The following BRCA1 variants were observed in gnomAD, a reference collection of about 807,000 sequenced individuals.
The protein encoded by BRCA1 is breast cancer type 1 susceptibility protein.
In BRCA1, 140 loss-of-function variants were observed where a neutral mutation model predicts 173.7. The ratio of observed to expected loss-of-function variants is 0.81; its 90% CI spans 0.70 to 0.93. The LOEUF (loss-of-function observed/expected upper bound fraction) is 0.93. Ranked by LOEUF, BRCA1 falls within the 40% of genes least tolerant of loss-of-function variation. The pLI, the probability that BRCA1 is intolerant of heterozygous loss-of-function variation, is 0.00. For missense variants in BRCA1, 1,983 were observed against 2,172.5 expected, an observed-to-expected ratio of 0.91 and a Z score of 1.73; for synonymous variants, 662 against 756.0, an observed-to-expected ratio of 0.88 and a Z score of 2.04.
At chr17:43,117,257 T>C (rs2055337405) in intron 2 of BRCA1, among the ~76,000 whole-genome samples, 1 of 151,638 alleles carries the variant, frequency 6.6e-6, no homozygotes, top group Non-Finnish European at 1.5e-5. Flanking sequence ...TCCTGGACAA[T>C]ATGGTGAAAC....
intron 11 of BRCA1, among the ~76,000 whole-genome samples, chr17:43,085,713 T>C (rs1567785186): frequency 6.6e-6 from 1 of 152,030 alleles, no homozygotes; most frequent in Non-Finnish European, 1.5e-5. Flanking sequence ...ATATGAGAAG[T>C]AAGGGCAAGT....
chr17:43,074,642 C>A, intron 13 of BRCA1, 121 bp from the exon 14 acceptor site: 1 of 898,644 alleles, frequency 1.1e-6, no homozygotes, highest in Admixed American at 2.1e-5. Flanking sequence ...AAATGACTGG[C>A]AAAAAAGAGC....
At chr17:43,154,485 AAAT>A (rs1282995050) in intron 1 of BRCA1, among the ~76,000 whole-genome samples, 4 of 152,050 alleles carry the variant, frequency 2.6e-5, no homozygotes, top group Admixed American at 6.6e-5. Flanking sequence ...CTCCATCTCA[AAAT>A]AATAATAATA....
chr17:43,168,254 T>C, intron 1 of BRCA1: 2 of 417,438 alleles, frequency 4.8e-6, no homozygotes, highest in Non-Finnish European at 9.7e-6. Flanking sequence ...ATCTATCTCT[T>C]TCTGTTCCAA....
chr17:43,079,199 C>CA (rs963309205), intron 12 of BRCA1: 16 of 748,192 alleles, frequency 2.1e-5, no homozygotes, highest in Admixed American at 1.2e-4. Flanking sequence ...CAAAACAAAA[C>CA]AAAAAAAATG....
chr17:43,119,442 G>A (rs2055448865), intron 2 of BRCA1, among the ~76,000 whole-genome samples: 1 of 152,152 alleles, frequency 6.6e-6, no homozygotes. Context: ...TACCAGTTGT[G>A]TATATAAGCA....
chr17:43,057,250 C>T (rs576251388), intron 18 of BRCA1, 115 bp from the exon 19 acceptor site: 1 of 971,756 alleles, frequency 1.0e-6, no homozygotes, highest in African/African-American at 1.6e-5. Flanking sequence ...TGGCTCACCC[C>T]TGTAATCCTA....
chr17:43,092,819 T>C lies in BRCA1; in HGVS notation c.2712A>G (p.Glu904=), dbSNP rs1057522242. ...KQSPKVTFEC[E]QKEENQGKNE... ...TCTTTCCTTGATTTTCTTCCTTTTGTTCACATTCAAAAGTGACTTTTGGAC... is the reference window on the plus strand; with the variant it reads ...TCTTTCCTTGATTTTCTTCCTTTTGCTCACATTCAAAAGTGACTTTTGGAC... Residue 904 remains glutamate, a synonymous_variant, in exon 10 of 23, where the codon GAA becomes GAG. Transcript: ENST00000357654. 1 of 1,614,054 alleles carries C rather than the reference T, an allele frequency of 6.2e-7. No individual in the cohort carries two copies. The highest frequency in any genetic ancestry group is 8.5e-7 in the Non-Finnish European group (1 of 1,179,966).
intron 1 of BRCA1, among the ~76,000 whole-genome samples, chr17:43,135,511 G>A (rs1301754463): frequency 6.6e-6 from 1 of 152,228 alleles, no homozygotes; most frequent in Non-Finnish European, 1.5e-5. Context: ...CATGTCATAA[G>A]CCGGTGGAGA....
At chr17:43,143,656 A>G (rs1042003017) in intron 1 of BRCA1, among the ~76,000 whole-genome samples, 8 of 151,608 alleles carry the variant, frequency 5.3e-5, no homozygotes, top group Non-Finnish European at 1.2e-4. Context: ...TTTTTTTTTG[A>G]AGATGGAGTG....
At chr17:43,074,627 A>C in intron 13 of BRCA1, 106 bp from the exon 14 acceptor site, 2 of 1,076,974 alleles carry the variant, frequency 1.9e-6, no homozygotes, top group Admixed American at 4.0e-5. Context: ...TGTCAGAGAG[A>C]TCAGAAATGA....
chr17:43,156,353 GAA>G (rs753517751), intron 1 of BRCA1, among the ~76,000 whole-genome samples: 2 of 152,206 alleles, frequency 1.3e-5, no homozygotes, highest in Non-Finnish European at 2.9e-5. Flanking sequence ...ACAGGGCAGT[GAA>G]AAGAGAAACA....
chr17:43,091,128 C>T (rs940625037), intron 10 of BRCA1, 96 bp from the exon 11 acceptor site: 1 of 1,179,458 alleles, frequency 8.5e-7, no homozygotes, highest in Non-Finnish European at 1.2e-6. Context: ...ACTGGATTTA[C>T]TTTCATGTCA....
At chr17:43,118,286 T>C (rs1284114126) in intron 2 of BRCA1, among the ~76,000 whole-genome samples, 4 of 152,154 alleles carry the variant, frequency 2.6e-5, no homozygotes, top group Admixed American at 1.3e-4. Context: ...CAGGAGGATA[T>C]TGTAGGGAAA....
intron 2 of BRCA1, among the ~76,000 whole-genome samples, chr17:43,118,582 A>G (rs928290015): frequency 4.6e-5 from 7 of 151,750 alleles, no homozygotes; most frequent in East Asian, 3.9e-4. Context: ...CCACCATGCC[A>G]GCCATCTTTT....
At position 43,051,191 on chromosome 17, in the gene BRCA1, T is replaced by C. The variant is rs2051221812; in HGVS notation, c.5278-74A>G. On this transcript the variant is annotated intron_variant, in intron 19 of 22. Coordinates refer to ENST00000357654, the MANE Select transcript of BRCA1 (RefSeq NM_007294.4). The stretch of plus-strand genomic sequence containing the variant: ...AATCTAGTTATAAAAGAATATTGGC[T>C]TTTATTCAAAAAACAGACTTTCAAA... The C allele has an allele frequency of 7.1e-6, 10 of 1,403,188 alleles. No individual in the cohort carries two copies. In the South Asian group the frequency reaches 1.2e-4, roughly 16 times the overall value. The allele number at this position is 1,403,188 out of a possible 1,614,324, so 86.9% of individuals were successfully genotyped here. A position where few individuals can be genotyped will look rare whatever the true frequency, so the allele number is the denominator to read the frequency against.
At chr17:43,082,282 A>C in intron 12 of BRCA1, 122 bp downstream of exon 12, 1 of 1,114,566 alleles carries the variant, frequency 9.0e-7, no homozygotes, top group Non-Finnish European at 1.3e-6. Flanking sequence ...AGGCTCCATA[A>C]TTACCCATGT....
Position 43,134,248 on chromosome 17 carries a change from C to T in BRCA1, c.-19-10133G>A, listed in dbSNP as rs139815913. On this transcript the variant is annotated intron_variant, in intron 1 of 7. Transcript: ENST00000634433. ...TGGAAACATGCATTTCCCTCTCCTC[C>T]GCCCCCCTCCTTCATGATCCATGCT... is the stretch of plus-strand genomic sequence containing the variant. Among the ~76,000 whole-genome samples, 22 of 152,284 alleles carry T rather than the reference C, an allele frequency of 1.4e-4. No individual in the cohort carries two copies. In the East Asian group the frequency reaches 3.9e-3, roughly 27 times the overall value.
rs762908108 is a variant in BRCA1, at chr17:43,091,510, C to T, written c.4021G>A (p.Val1341Ile). 1.2e-6 allele frequency: 2 copies of T among 1,613,842 alleles called. No individual in the cohort carries two copies. Among genetic ancestry groups the T allele is most frequent in the Non-Finnish European group, 1.7e-6 (2 of 1,179,782 alleles). Reference sequence around the variant, plus strand: ...GTTCCTCTTTCTTCATCATCTGAAACCAATTCCTTGTCACTCAGACCAACT... The same window carrying T: ...GTTCCTCTTTCTTCATCATCTGAAATCAATTCCTTGTCACTCAGACCAACT... ...QGVGLSDKELVSDDEERGTGL... is the reference protein window; with the variant it reads ...QGVGLSDKELISDDEERGTGL... Residue 1341 changes from valine (V) to isoleucine (I), a missense_variant, in exon 10 of 23, where the codon GTT becomes ATT. Coordinates refer to ENST00000357654, the MANE Select transcript of BRCA1 (RefSeq NM_007294.4).
Sources: gnomAD v4.1 joint callset for allele counts (sites outside exome capture counted in the v4.1 genomes callset) on GRCh38, gnomAD v4.1.1 for gene constraint, MANE v1.5 for transcripts, NCBI Gene and HGNC (gene_info 2026-07-23, HGNC 2026-07-21) for gene names.